Variants in CSMD1 observed in about 807,000 individuals in gnomAD.
CSMD1 encodes the protein CUB and Sushi multiple domains 1.
CSMD1 carries 213 observed loss-of-function variants against 417.5 expected under a neutral mutation model. The ratio of observed to expected loss-of-function variants is 0.51; its 90% CI spans 0.46 to 0.57. The LOEUF is 0.57. CSMD1 is among the 20% of genes least tolerant of loss of function. CSMD1 has a pLI of 0.00. For synonymous variants in CSMD1, 2,862 were observed against 1,736.8 expected, an observed-to-expected ratio of 1.65 and a Z score of -16.11; for missense variants, 6,923 against 4,529.7, an observed-to-expected ratio of 1.53 and a Z score of -15.17.
At chr8:3,927,717 T>C (rs1809844159) in intron 5 of CSMD1, among the ~76,000 whole-genome samples, 1 of 152,134 alleles carries the variant, frequency 6.6e-6, no homozygotes, top group Non-Finnish European at 1.5e-5. Context: ...TCTTTACCTT[T>C]GTTAAGCAGA....
At chr8:4,203,979 T>C (rs1053970019) in intron 3 of CSMD1, among the ~76,000 whole-genome samples, 3 of 152,056 alleles carry the variant, frequency 2.0e-5, no homozygotes, top group African/African-American at 7.2e-5. Flanking sequence ...TGCACGCCTG[T>C]GGTCCCAGCT....
At chr8:4,638,512 A>G (rs185695215) in intron 1 of CSMD1, among the ~76,000 whole-genome samples, 15 of 152,348 alleles carry the variant, frequency 9.8e-5, no homozygotes, top group Admixed American at 3.9e-4. Context: ...GGACTGTAAC[A>G]ACATCCTCAC....
chr8:3,848,811 T>G (rs1803685411), intron 5 of CSMD1, among the ~76,000 whole-genome samples: 1 of 152,046 alleles, frequency 6.6e-6, no homozygotes, highest in Non-Finnish European at 1.5e-5. Flanking sequence ...GCAGCGATTT[T>G]AAAGAAAAAG....
intron 3 of CSMD1, among the ~76,000 whole-genome samples, chr8:4,342,664 A>G (rs1800547314): frequency 6.6e-6 from 1 of 152,110 alleles, no homozygotes; most frequent in Non-Finnish European, 1.5e-5. Flanking sequence ...GTGATGCTAA[A>G]CATGAACTGG....
intron 3 of CSMD1, among the ~76,000 whole-genome samples, chr8:4,159,641 C>A (rs557067457): frequency 1.3e-5 from 2 of 152,112 alleles, no homozygotes; most frequent in African/African-American, 2.4e-5. Context: ...CAGGCTGGAG[C>A]ACAGTGGCGC....
intron 3 of CSMD1, among the ~76,000 whole-genome samples, chr8:4,099,766 T>A (rs368538652): frequency 7.9e-5 from 12 of 152,284 alleles, no homozygotes; most frequent in Non-Finnish European, 1.3e-4. Context: ...TGAGTTAATC[T>A]CCCAGCCACT....
At chr8:3,155,445 G>A (rs1819466390) in intron 39 of CSMD1, among the ~76,000 whole-genome samples, 1 of 133,178 alleles carries the variant, frequency 7.5e-6, no homozygotes, top group Admixed American at 8.9e-5. Flanking sequence ...TTGGCTCACT[G>A]CAAGCTCCGC....
intron 1 of CSMD1, among the ~76,000 whole-genome samples, chr8:4,700,205 AAAT>A (rs1163926289): frequency 2.0e-5 from 3 of 152,164 alleles, no homozygotes; most frequent in Non-Finnish European, 4.4e-5. Flanking sequence ...AATCTTAGAA[AAAT>A]AATAAAACCA....
At chr8:3,093,643 G>C (rs1246264308) in intron 47 of CSMD1, among the ~76,000 whole-genome samples, 1 of 151,962 alleles carries the variant, frequency 6.6e-6, no homozygotes, top group African/African-American at 2.4e-5. Context: ...ACTCCAGCCT[G>C]GGCAACAAGA....
rs1401212551 is a variant in CSMD1 at position 4,679,122 on chromosome 8, T to G, written c.86-41564A>C. ...TCATCTGCGCAAGTTTCTTTTTCTG[T>G]CAATGTACTTTCCCTTCTTGATATG... On this transcript the variant is annotated intron_variant, in intron 1 of 69. Transcript: ENST00000635120. Among the ~76,000 whole-genome samples, 4 of 152,276 alleles carry G rather than the reference T, an allele frequency of 2.6e-5. No individual in the cohort carries two copies. The East Asian group carries it at 7.7e-4, about 29-fold the overall frequency.
chr8:4,143,004 T>TA (rs67900786), intron 3 of CSMD1, among the ~76,000 whole-genome samples: 1 of 72,106 alleles, frequency 1.4e-5, no homozygotes, highest in East Asian at 2.9e-4. Flanking sequence ...AAAAAAAAAA[T>TA]GCTCTCCATT....
chr8:4,578,745 G>A (rs10103168), intron 2 of CSMD1, among the ~76,000 whole-genome samples: 1 of 146,958 alleles, frequency 6.8e-6, no homozygotes. Flanking sequence ...ACCTGGGAGG[G>A]GGAGGTTGCA....
chr8:4,893,478 T>G (rs988831723), intron 1 of CSMD1, among the ~76,000 whole-genome samples: 1 of 152,152 alleles, frequency 6.6e-6, no homozygotes. Flanking sequence ...CTTTAAGAGC[T>G]TCCCAATTAA....
intron 1 of CSMD1, among the ~76,000 whole-genome samples, chr8:4,742,336 G>A (rs916203567): frequency 2.4e-4 from 37 of 151,926 alleles, no homozygotes; most frequent in Admixed American, 1.8e-3. Context: ...GACCAAGGCT[G>A]AATTTTGAGA....
At chr8:4,146,316 T>A (rs991355030) in intron 3 of CSMD1, among the ~76,000 whole-genome samples, 3 of 150,890 alleles carry the variant, frequency 2.0e-5, no homozygotes, top group Non-Finnish European at 4.4e-5. Context: ...GCTTGGTGTC[T>A]GACACATCCA....
chr8:4,183,990 G>C (rs1798524701), intron 3 of CSMD1, among the ~76,000 whole-genome samples: 1 of 152,190 alleles, frequency 6.6e-6, no homozygotes, highest in African/African-American at 2.4e-5. Context: ...GCCTCCGACA[G>C]TGTCATACAC....
chr8:4,419,210 T>C (rs1449938811), intron 3 of CSMD1, among the ~76,000 whole-genome samples: 1 of 152,050 alleles, frequency 6.6e-6, no homozygotes, highest in Non-Finnish European at 1.5e-5. Flanking sequence ...GACTCCAGAG[T>C]TTCTGTTACA....
At chr8:4,611,660 GT>G (rs1341293386) in intron 2 of CSMD1, among the ~76,000 whole-genome samples, 1 of 152,088 alleles carries the variant, frequency 6.6e-6, no homozygotes, top group African/African-American at 2.4e-5. Context: ...GAAAAAGTGT[GT>G]CTTGTGTTCA....
In CSMD1 at chr8:3,018,650, A is replaced by G. The variant is rs201262421; in HGVS notation, c.7856T>C (p.Val2619Ala). 2.1e-5 allele frequency: 34 copies of G among 1,610,604 alleles called. No homozygotes were observed. The Middle Eastern group carries it at 1.3e-3, about 63-fold the overall frequency. ...NIGDERPSCR[V>A]ISCGSLSFPP... ...AAAGGAAAGGCTTCCACACGAGATA[A>G]CTAGAAGGAAAAACAATAAAATGAA... The change falls in exon 52 of 70, where the codon GTT (valine) becomes GCT (alanine). Residue 2619 changes from valine (V) to alanine (A), a missense_variant and splice_region_variant. By Grantham distance (64) the Val-to-Ala change is moderately conservative. Transcript: ENST00000635120.
Sources: gnomAD v4.1 joint callset for allele counts (sites outside exome capture counted in the v4.1 genomes callset) on GRCh38, gnomAD v4.1.1 for gene constraint, MANE v1.5 for transcripts, NCBI Gene and HGNC (gene_info 2026-07-23, HGNC 2026-07-21) for gene names.